NOS1: variants seen among roughly 807,000 people sequenced by gnomAD.
The protein encoded by NOS1 is NOS type I.
In NOS1, 51 loss-of-function variants were observed where a neutral mutation model predicts 164.5. That is an observed-to-expected ratio of 0.31 (90% CI 0.25 to 0.39). The LOEUF (loss-of-function observed/expected upper bound fraction) is 0.39. Among genes scored for constraint, NOS1 ranks in the 10% least tolerant of loss-of-function variants. The pLI is 1.00. For missense variants in NOS1, 1,362 were observed against 1,885.6 expected (o/e 0.72, Z 5.14); for synonymous variants, 719 against 745.8 (o/e 0.96, Z 0.59).
rs1956523937 is a variant in NOS1, at chr12:117,211,300, T to C, written c.*4009A>G. On this transcript the variant is annotated 3_prime_UTR_variant, in exon 29 of 29. Coordinates refer to ENST00000317775, the MANE Select transcript of NOS1 (RefSeq NM_000620.5). Reference sequence around the variant, plus strand: ...TCTCCTTTATTCTCACCCTCTACAATGGATGGGGTGCCAGGTACGCTGATT... The same window carrying C: ...TCTCCTTTATTCTCACCCTCTACAACGGATGGGGTGCCAGGTACGCTGATT... 2 of 985,192 alleles carry C rather than the reference T, an allele frequency of 2.0e-6. No homozygotes were observed. Among genetic ancestry groups the C allele is most frequent in the Non-Finnish European group, 2.4e-6 (2 of 829,952 alleles). The allele number at this position is 985,192 out of a possible 1,614,324, so 61.0% of individuals were successfully genotyped here. A position where few individuals can be genotyped will look rare whatever the true frequency, so the allele number is the denominator to read the frequency against.
intron 18 of NOS1, among the ~76,000 whole-genome samples, chr12:117,246,673 C>A (rs1870641501): frequency 6.6e-6 from 1 of 152,176 alleles, no homozygotes; most frequent in Admixed American, 6.5e-5. Flanking sequence ...AACCTGCCTT[C>A]TGTCTCTATG....
intron 27 of NOS1, among the ~76,000 whole-genome samples, chr12:117,218,947 G>A (rs1956655145): frequency 6.6e-6 from 1 of 151,558 alleles, no homozygotes; most frequent in Non-Finnish European, 1.5e-5. Flanking sequence ...CTCCCCATCT[G>A]TAGAGTGGGT....
At chr12:117,354,430 A>G (rs1415832027) in intron 1 of NOS1, among the ~76,000 whole-genome samples, 1 of 152,196 alleles carries the variant, frequency 6.6e-6, no homozygotes, top group African/African-American at 2.4e-5. Context: ...CATCGATGCT[A>G]TTGACTGTGT....
chr12:117,322,014 C>G lies in NOS1; in HGVS notation c.725+8331G>C, dbSNP rs1197642773. 3.1e-4 allele frequency among the ~76,000 whole-genome samples: 16 copies of G among 51,490 alleles called. No homozygotes were observed. In the Admixed American group the frequency reaches 3.6e-3, roughly 12 times the overall value. 33.8% of individuals were successfully genotyped at this position (51,490 alleles called of 152,430 possible). ...CTTCCCTCCCTCTCTCCTTCCTTCC[C>G]TCCCTCTCTCCTTCCTTTCCTCCTT... is the stretch of plus-strand genomic sequence containing the variant. On this transcript the variant is annotated intron_variant, in intron 2 of 28. Coordinates refer to ENST00000317775, the MANE Select transcript of NOS1 (RefSeq NM_000620.5).
intron 1 of NOS1, among the ~76,000 whole-genome samples, chr12:117,339,876 C>A (rs910098085): frequency 4.6e-5 from 7 of 152,198 alleles, no homozygotes; most frequent in African/African-American, 1.7e-4. Flanking sequence ...ATGCACTGAA[C>A]AGCTCTGGAA....
intron 2 of NOS1, among the ~76,000 whole-genome samples, chr12:117,320,264 G>C (rs1373123115): frequency 1.3e-5 from 2 of 152,182 alleles, no homozygotes; most frequent in Admixed American, 6.5e-5. Context: ...GTGATGAGCA[G>C]ATTCCCTGGG....
chr12:117,332,591 A>T (rs1054740869), intron 1 of NOS1, among the ~76,000 whole-genome samples: 2 of 151,972 alleles, frequency 1.3e-5, no homozygotes, highest in Non-Finnish European at 2.9e-5. Flanking sequence ...CAGGCCGGTC[A>T]CAGTGCCTCA....
At chr12:117,304,066 G>A (rs1873997425) in intron 3 of NOS1, among the ~76,000 whole-genome samples, 1 of 152,136 alleles carries the variant, frequency 6.6e-6, no homozygotes, top group Admixed American at 6.5e-5. Flanking sequence ...CAGCTGCTGG[G>A]GAGGCTGAGG....
At chr12:117,324,196 T>G (rs1246507741) in intron 2 of NOS1, among the ~76,000 whole-genome samples, 1 of 152,158 alleles carries the variant, frequency 6.6e-6, no homozygotes, top group Non-Finnish European at 1.5e-5. Flanking sequence ...CCCTCATCTA[T>G]GAAAGTAGGC....
chr12:117,227,031 C>T (rs182649203), intron 23 of NOS1, among the ~76,000 whole-genome samples: 49 of 152,166 alleles, frequency 3.2e-4, no homozygotes, highest in Non-Finnish European at 6.9e-4. Context: ...TGGTGGCTTG[C>T]TGGGCTCCTG....
chr12:117,327,408 A>G (rs1473876512), intron 2 of NOS1, among the ~76,000 whole-genome samples: 1 of 152,082 alleles, frequency 6.6e-6, no homozygotes, highest in Non-Finnish European at 1.5e-5. Flanking sequence ...TTAGGATTTA[A>G]CTCTATGGCA....
chr12:117,359,724 C>T (rs2136101533), intron 1 of NOS1, among the ~76,000 whole-genome samples: 1 of 151,426 alleles, frequency 6.6e-6, no homozygotes, highest in East Asian at 2.0e-4. Flanking sequence ...TGCGTCTTTC[C>T]CAGGATTACT....
At chr12:117,264,988 C>T (rs1872271083) in intron 12 of NOS1, among the ~76,000 whole-genome samples, 1 of 151,690 alleles carries the variant, frequency 6.6e-6, no homozygotes, top group South Asian at 2.1e-4. Context: ...CAGGTGTGAC[C>T]CACCATGCCC....
chr12:117,289,579 T>C (rs897077993), intron 4 of NOS1, among the ~76,000 whole-genome samples: 2 of 152,240 alleles, frequency 1.3e-5, no homozygotes, highest in Non-Finnish European at 2.9e-5. Context: ...TTGTTACATA[T>C]GTATACATGT....
chr12:117,225,251 G>C (rs1868562593), intron 24 of NOS1, 114 bp from the exon 25 acceptor site: 2 of 1,386,416 alleles, frequency 1.4e-6, no homozygotes, highest in African/African-American at 2.9e-5. Flanking sequence ...GAGACTTAAG[G>C]CTCTTCAGCC....
intron 12 of NOS1, 103 bp from the exon 13 acceptor site, chr12:117,264,077 T>A: frequency 1.6e-6 from 1 of 629,940 alleles, no homozygotes; most frequent in South Asian, 1.8e-5. Flanking sequence ...TGCCTGACCC[T>A]CGGCCTCTGA....
At position 117,242,300 on chromosome 12, in the gene NOS1, C is replaced by A. The variant is rs549141404; in HGVS notation, c.3041+327G>T. On this transcript the variant is annotated intron_variant, in intron 20 of 28. Transcript: ENST00000317775. ...TTATCCACAATAGGAAATACTTGGA[C>A]TAAGTGATTTCCAGCTAAGATGCTG... is the stretch of plus-strand genomic sequence containing the variant. Among the ~76,000 whole-genome samples, 16 of 152,326 alleles carry A rather than the reference C, an allele frequency of 1.1e-4. No homozygotes were observed. In the South Asian group the frequency reaches 3.3e-3, roughly 32 times the overall value.
intron 16 of NOS1, chr12:117,255,973 C>G: frequency 6.7e-7 from 1 of 1,486,704 alleles, no homozygotes; most frequent in Non-Finnish European, 8.9e-7. Flanking sequence ...AGACCGTGGA[C>G]TTCTGTGTCA....
At position 117,242,608 on chromosome 12, in the gene NOS1, T is replaced by C. The variant is rs1253015478; in HGVS notation, c.3041+19A>G. On this transcript the variant is annotated intron_variant, in intron 20 of 28. Transcript: ENST00000317775. ...TTGGGAGAAGACGTAGGTAACCCAG[T>C]GAACCAAGATGTTCCTACCTGGATT... is the stretch of plus-strand genomic sequence containing the variant. The C allele has an allele frequency of 2.5e-6, 4 of 1,609,068 alleles. No individual in the cohort carries two copies. The highest frequency in any genetic ancestry group is 4.5e-5 in the East Asian group (2 of 44,860).
Sources: allele counts gnomAD v4.1 joint callset (sites outside exome capture counted in the v4.1 genomes callset), GRCh38; gene constraint gnomAD v4.1.1; transcripts MANE v1.5; gene names NCBI Gene and HGNC (gene_info 2026-07-23, HGNC 2026-07-21).